DDX60L: variants seen among roughly 807,000 people sequenced by gnomAD.
DDX60L encodes the protein probable ATP-dependent RNA helicase DDX60-like.
Under a neutral mutation model 211.6 loss-of-function variants are expected in DDX60L, and 191 were observed. The ratio of observed to expected loss-of-function variants is 0.90; its 90% CI spans 0.80 to 1.02. The LOEUF (loss-of-function observed/expected upper bound fraction) is 1.02. Among genes scored for constraint, DDX60L ranks in the 50% least tolerant of loss-of-function variants. The pLI is 0.00. For missense variants in DDX60L, 2,007 were observed against 1,984.1 expected (o/e 1.01, Z -0.22); for synonymous variants, 706 against 694.1 (o/e 1.02, Z -0.27).
chr4:168,358,524 CTTTTT>C lies in DDX60L; in HGVS notation c.4992-253_4992-249del, dbSNP rs70961514. ...TCTTCTTTTTTTCTTTTTTCTTTTTCTTTTTTTTTTTTTTTTTTTTTGAGACAGAG... is the reference window on the plus strand; with the variant it reads ...TCTTCTTTTTTTCTTTTTTCTTTTTCTTTTTTTTTTTTTTTTGAGACAGAG... On this transcript the variant is annotated intron_variant, in intron 37 of 37. Transcript: ENST00000682922. Among the ~76,000 whole-genome samples, 779 of 108,256 alleles carry C rather than the reference CTTTTT, an allele frequency of 7.2e-3. 3 individuals carry two copies. Among genetic ancestry groups the C allele is most frequent in the African/African-American group, 0.021 (666 of 31,400 alleles). 71.0% of individuals were successfully genotyped at this position (108,256 alleles called of 152,430 possible).
chr4:168,464,379 A>T (rs1317937108), intron 4 of DDX60L, among the ~76,000 whole-genome samples: 1 of 151,998 alleles, frequency 6.6e-6, no homozygotes, highest in Non-Finnish European at 1.5e-5. Context: ...AAAAACAAGA[A>T]TTTATACATT....
At chr4:168,442,459 CG>C (rs1407502177) in intron 9 of DDX60L, among the ~76,000 whole-genome samples, 1 of 152,176 alleles carries the variant, frequency 6.6e-6, no homozygotes, top group Non-Finnish European at 1.5e-5. Context: ...GAGGGGCGCC[CG>C]CCATTGCCCA....
At position 168,357,991 on chromosome 4, in the gene DDX60L, G is replaced by T; in HGVS notation, c.*156C>A. 1.5e-6 allele frequency: 1 copy of T among 651,544 alleles called. No homozygotes were observed. Among genetic ancestry groups the T allele is most frequent in the Non-Finnish European group, 2.5e-6 (1 of 393,320 alleles). The allele number at this position is 651,544 out of a possible 1,614,324, so 40.4% of individuals were successfully genotyped here. A position where few individuals can be genotyped will look rare whatever the true frequency, so the allele number is the denominator to read the frequency against. ...GCTCAGATATATTACATAACTTAAA[G>T]TCATTCAGTTAGAAAATAGCAGAGC... On this transcript the variant is annotated 3_prime_UTR_variant, in exon 38 of 38. Coordinates refer to ENST00000682922, the MANE Select transcript of DDX60L (RefSeq NM_001012967.3).
intron 29 of DDX60L, among the ~76,000 whole-genome samples, chr4:168,389,394 G>A (rs1253161961): frequency 1.3e-5 from 2 of 152,130 alleles, no homozygotes; most frequent in East Asian, 1.9e-4. Context: ...ACAGGAAAGC[G>A]TATTATTTGC....
intron 10 of DDX60L, among the ~76,000 whole-genome samples, chr4:168,435,107 C>T (rs939552168): frequency 2.6e-5 from 4 of 152,168 alleles, no homozygotes; most frequent in African/African-American, 9.7e-5. Flanking sequence ...CCCCAACCCC[C>T]AGTCAGTAAG....
intron 28 of DDX60L, 59 bp downstream of exon 28, chr4:168,394,406 G>A: frequency 2.3e-6 from 3 of 1,288,954 alleles, no homozygotes; most frequent in Non-Finnish European, 3.1e-6. Flanking sequence ...ACCTTTTAGT[G>A]GTATTCAGCA....
chr4:168,361,315 C>T, intron 36 of DDX60L, 104 bp from the exon 37 acceptor site: 3 of 677,046 alleles, frequency 4.4e-6, no homozygotes, highest in South Asian at 2.0e-5. Context: ...AATTTATCTG[C>T]CAAATGCACT....
At chr4:168,386,710 G>A (rs1743950461) in intron 29 of DDX60L, among the ~76,000 whole-genome samples, 1 of 151,900 alleles carries the variant, frequency 6.6e-6, no homozygotes, top group South Asian at 2.1e-4. Context: ...GTCCCCAAGG[G>A]CCAGGTGAGC....
chr4:168,479,876 C>T (rs939718257), intron 1 of DDX60L, among the ~76,000 whole-genome samples: 1 of 147,754 alleles, frequency 6.8e-6, no homozygotes, highest in Non-Finnish European at 1.5e-5. Context: ...CCCAGCTACT[C>T]GGGAGGTTGA....
In DDX60L at chr4:168,422,670, T is replaced by C. The variant is rs1296889017; in HGVS notation, c.2098A>G (p.Ile700Val). Residue 700 changes from isoleucine to valine, a missense_variant and splice_region_variant, in exon 16 of 38, where the codon ATA (isoleucine) becomes GTA (valine). Physicochemically the swap from Ile to Val is conservative, Grantham distance 29. Transcript: ENST00000682922. ...DLANSLDPTL[I>V]GDDKNKKKYS... is the part of the protein sequence containing the mutation. ...TTCTTCTTATTTTTGTCATCTCCTA[T>C]CTGTTATTTTAATATATTATTTGAA... 1.9e-6 allele frequency: 3 copies of C among 1,563,984 alleles called. No homozygotes were observed. The highest frequency in any genetic ancestry group is 4.6e-5 in the East Asian group (2 of 43,456).
chr4:168,401,474 T>C (rs766494627), intron 25 of DDX60L, among the ~76,000 whole-genome samples: 26 of 152,358 alleles, frequency 1.7e-4, no homozygotes, highest in Admixed American at 4.6e-4. Flanking sequence ...CCCTAAAATG[T>C]ATAAAACCAA....
rs375316491 is a variant in DDX60L, at chr4:168,423,748, C to G, written c.1957G>C (p.Ala653Pro). ...EGKISKDLSI[A>P]VQMMKRIHSL... The stretch of plus-strand genomic sequence containing the variant: ...TGAATCCTTTTCATCATTTGAACAG[C>G]TATACTTAAATCTTTCGAAATTTTG... The change falls in exon 15 of 38, where the codon GCT becomes CCT. Residue 653 changes from alanine (A) to proline (P), a missense_variant. Ala to Pro is a conservative substitution (Grantham distance 27). Coordinates refer to ENST00000682922, the MANE Select transcript of DDX60L (RefSeq NM_001012967.3). The G allele has an allele frequency of 3.6e-5, 57 of 1,584,958 alleles. No individual in the cohort carries two copies. Among genetic ancestry groups the G allele is most frequent in the Non-Finnish European group, 4.5e-5 (53 of 1,171,896 alleles).
chr4:168,478,274 G>A (rs1325094869), intron 1 of DDX60L, among the ~76,000 whole-genome samples: 1 of 148,402 alleles, frequency 6.7e-6, no homozygotes, highest in Non-Finnish European at 1.5e-5. Context: ...CTTGCTGCAA[G>A]TATTAGGTGG....
At chr4:168,401,982 A>G (rs1450964878) in intron 25 of DDX60L, among the ~76,000 whole-genome samples, 1 of 152,218 alleles carries the variant, frequency 6.6e-6, no homozygotes, top group East Asian at 1.9e-4. Flanking sequence ...CCATGACGTT[A>G]TGAGGAAGGT....
intron 27 of DDX60L, 88 bp downstream of exon 27, chr4:168,395,871 A>C (rs1745672511): frequency 1.1e-6 from 1 of 907,190 alleles, no homozygotes; most frequent in Non-Finnish European, 1.7e-6. Flanking sequence ...GTATTACACA[A>C]GTCATTTCAG....
chr4:168,423,556 C>T, intron 15 of DDX60L, 52 bp downstream of exon 15: 2 of 1,201,188 alleles, frequency 1.7e-6, no homozygotes, highest in Non-Finnish European at 2.3e-6. Flanking sequence ...GTTATTCTTC[C>T]ATATTAAAAT....
In DDX60L at chr4:168,430,458, G is replaced by A. The variant is rs1359408625; in HGVS notation, c.1677+20C>T. On this transcript the variant is annotated intron_variant, in intron 13 of 37. Transcript: ENST00000682922. ...AAACAACATCAAAGAAAAAAATTAG[G>A]TAAAATCTTTGCGATCTACCTGTAA... The A allele has an allele frequency of 6.5e-7, 1 of 1,550,332 alleles. No homozygotes were observed. The highest frequency in any genetic ancestry group is 1.4e-5 in the African/African-American group (1 of 71,772).
Position 168,419,285 on chromosome 4 carries a change from A to T in DDX60L, c.2610+17T>A, listed in dbSNP as rs756278090. On this transcript the variant is annotated intron_variant, in intron 19 of 37. Coordinates refer to ENST00000682922, the MANE Select transcript of DDX60L (RefSeq NM_001012967.3). The stretch of plus-strand genomic sequence containing the variant: ...TGCAGACTAGAACATCAACCAGAGA[A>T]CTAACACCAAACCTACCTCATCAAA... 3 of 1,559,470 alleles carry T rather than the reference A, an allele frequency of 1.9e-6. No individual in the cohort carries two copies. The East Asian group carries it at 6.9e-5, about 36-fold the overall frequency.
At chr4:168,448,586 G>T in intron 9 of DDX60L, 52 bp downstream of exon 9, 1 of 1,368,884 alleles carries the variant, frequency 7.3e-7, no homozygotes, top group Non-Finnish European at 9.9e-7. Flanking sequence ...AATTTATAAG[G>T]GTTTTATATA....
Sources: gnomAD v4.1 joint callset for allele counts (sites outside exome capture counted in the v4.1 genomes callset) on GRCh38, gnomAD v4.1.1 for gene constraint, MANE v1.5 for transcripts, NCBI Gene and HGNC (gene_info 2026-07-23, HGNC 2026-07-21) for gene names.